The following HSPG2 variants were observed in gnomAD, a reference collection of about 807,000 sequenced individuals.
HSPG2 encodes the protein heparan sulfate proteoglycan 2.
In HSPG2, 278 loss-of-function variants were observed where a neutral mutation model predicts 526.6. The observed-to-expected ratio is 0.53, with a 90% CI of 0.48 to 0.58. The LOEUF (loss-of-function observed/expected upper bound fraction) is 0.58. Among genes scored for constraint, HSPG2 ranks in the 20% least tolerant of loss-of-function variants. HSPG2 has a pLI of 0.00. For missense variants in HSPG2, 5,354 were observed against 6,099.5 expected (o/e 0.88, Z 4.07); for synonymous variants, 2,465 against 2,555.4 (o/e 0.96, Z 1.07).
intron 1 of HSPG2, among the ~76,000 whole-genome samples, chr1:21,910,364 C>T (rs1369853413): frequency 6.6e-6 from 1 of 152,234 alleles, no homozygotes; most frequent in Non-Finnish European, 1.5e-5. Context: ...TAAGATTCAG[C>T]ACAAAATGCC....
intron 9 of HSPG2, among the ~76,000 whole-genome samples, chr1:21,886,096 A>G (rs965310719): frequency 3.2e-4 from 48 of 152,364 alleles, no homozygotes; most frequent in Admixed American, 2.9e-3. Flanking sequence ...CAGGTGCGAG[A>G]GGAGACCAGG....
At chr1:21,832,958 G>C in intron 80 of HSPG2, 2 of 557,954 alleles carry the variant, frequency 3.6e-6, no homozygotes, top group African/African-American at 1.9e-5. Context: ...GTGAGATGGA[G>C]GCAGAGGAGG....
At chr1:21,915,476 T>C (rs2152792481) in intron 1 of HSPG2, among the ~76,000 whole-genome samples, 1 of 151,836 alleles carries the variant, frequency 6.6e-6, no homozygotes, top group Non-Finnish European at 1.5e-5. Context: ...ACATTATGGG[T>C]GTGGTCAGGC....
Position 21,857,053 on chromosome 1 carries a change from A to G in HSPG2, c.5537T>C (p.Phe1846Ser). Residue 1846 changes from phenylalanine (F) to serine (S), a missense_variant, in exon 44 of 97, where the codon TTT becomes TCT. Physicochemically the swap from Phe to Ser is radical, Grantham distance 155. Transcript: ENST00000374695. ...GTYVCTGSNM[F>S]AMDQGTATLH... ...AGTGGCTGTGCCCTGGTCCATGGCA[A>G]ACATGTTGGAGCCGGTGCACACGTA... The G allele has an allele frequency of 6.2e-7, 1 of 1,614,194 alleles. No homozygotes were observed. The highest frequency in any genetic ancestry group is 1.1e-5 in the South Asian group (1 of 91,090).
In HSPG2 at chr1:21,885,083, C is replaced by T. The variant is rs1045847955; in HGVS notation, c.1285G>A (p.Val429Met). The change falls in exon 11 of 97, where the codon GTG (valine) becomes ATG (methionine). Residue 429 changes from valine (V) to methionine (M), a missense_variant. Physicochemically the swap from Val to Met is conservative, Grantham distance 21 (BLOSUM62 1). Transcript: ENST00000374695. ...SRGQTVTFTC[V>M]AIGVPTPIIN... ...ATGGGGGTGGGGACGCCAATGGCCA[C>T]GCAGGTGAAGGTCACTGTCTGGCCC... The T allele has an allele frequency of 1.2e-5, 19 of 1,613,684 alleles. No homozygotes were observed. Among genetic ancestry groups the T allele is most frequent in the Admixed American group, 1.7e-5 (1 of 60,018 alleles).
At chr1:21,888,831 G>A in intron 6 of HSPG2, 1 of 670,416 alleles carries the variant, frequency 1.5e-6, no homozygotes. Context: ...TGAAAAGTGA[G>A]AGAGGAGGGC....
chr1:21,882,039 T>C (rs938457118), intron 13 of HSPG2, among the ~76,000 whole-genome samples: 1 of 151,898 alleles, frequency 6.6e-6, no homozygotes, highest in Non-Finnish European at 1.5e-5. Context: ...AAGCATGCTC[T>C]GGGAAAGTCA....
Position 21,890,135 on chromosome 1 carries a change from C to G in HSPG2, c.420G>C (p.Leu140=), listed in dbSNP as rs1642243771. The change falls in exon 6 of 97, where the codon CTG becomes CTC. Residue 140 remains leucine, a synonymous_variant. Transcript: ENST00000374695. The surrounding 1 kb of genome is among the most constrained non-coding windows in gnomAD (Gnocchi z 4.1). Reference sequence around the variant, plus strand: ...CCAGCTCCACAAAAACCCAGCCATCCAGCTCCCTGGGGATGGAGACAGGCA... The same window carrying G: ...CCAGCTCCACAAAAACCCAGCCATCGAGCTCCCTGGGGATGGAGACAGGCA... The part of the protein sequence containing the change: ...QVVSVVFIKE[L]DGWVFVELDV... 1 of 1,614,040 alleles carries G rather than the reference C, an allele frequency of 6.2e-7. No homozygotes were observed.
In HSPG2 at chr1:21,852,719, G is replaced by T; in HGVS notation, c.6705C>A (p.Ile2235=). ...GPLEASVLVT[I]EASVIPGPIP... ...ACTCACCAGGGATGACAGAGGCTTC[G>T]ATGGTGACCAGGACTGAGGCCTCTA... The change falls in exon 52 of 97, where the codon ATC becomes ATA. Residue 2235 remains isoleucine, a synonymous_variant. Coordinates refer to ENST00000374695, the MANE Select transcript of HSPG2 (RefSeq NM_005529.7). 1 of 1,613,498 alleles carries T rather than the reference G, an allele frequency of 6.2e-7. No homozygotes were observed. Among genetic ancestry groups the T allele is most frequent in the Non-Finnish European group, 8.5e-7 (1 of 1,180,016 alleles).
intron 37 of HSPG2, among the ~76,000 whole-genome samples, chr1:21,863,060 C>CAAAAAAAAAAAAAAAAAAAAA (rs60890297): frequency 1.6e-4 from 5 of 31,234 alleles, no homozygotes; most frequent in Admixed American, 4.4e-4. Flanking sequence ...GACTCCATCT[C>CAAAAAAAAAAAAAAAAAAAAA]AAAAAAAAAA....
In HSPG2 at chr1:21,890,529, C is replaced by T. The variant is rs1319911303; in HGVS notation, c.355-44G>A. On this transcript the variant is annotated intron_variant, in intron 4 of 96. Coordinates refer to ENST00000374695, the MANE Select transcript of HSPG2 (RefSeq NM_005529.7). This position sits in a 1 kb window ranked among gnomAD's most constrained non-coding sequence, Gnocchi z 4.1. Reference sequence around the variant, plus strand: ...CCATCAGCCCCAGAGGCCTTCACCCCATCCTCGGTCCTGCCCCGCCACACC... The same window carrying T: ...CCATCAGCCCCAGAGGCCTTCACCCTATCCTCGGTCCTGCCCCGCCACACC... 6.2e-7 allele frequency: 1 copy of T among 1,610,852 alleles called. No individual in the cohort carries two copies. Among genetic ancestry groups the T allele is most frequent in the South Asian group, 1.1e-5 (1 of 91,002 alleles).
intron 1 of HSPG2, among the ~76,000 whole-genome samples, chr1:21,934,540 G>A (rs1489346701): frequency 6.6e-6 from 1 of 152,060 alleles, no homozygotes; most frequent in Admixed American, 6.5e-5. Context: ...AGACCGAGGC[G>A]AGAGGATCGC....
rs999309758 is a variant in HSPG2 at position 21,860,230 on chromosome 1, C to T, written c.4961G>A (p.Gly1654Asp). 1.2e-5 allele frequency: 19 copies of T among 1,613,304 alleles called. No homozygotes were observed. Among genetic ancestry groups the T allele is most frequent in the African/African-American group, 2.7e-5 (2 of 74,942 alleles). Residue 1654 changes from glycine (G) to aspartate (D), a missense_variant, in exon 40 of 97, where the codon GGC becomes GAC. Gly to Asp is a moderately conservative substitution (Grantham distance 94). Coordinates refer to ENST00000374695, the MANE Select transcript of HSPG2 (RefSeq NM_005529.7). ...ACTGGGGTTACCCACGTAACCTGGG[C>T]CACACCTGTAAGGGGGAACAAGGGC... ...GYTGQYCEQCGPGYVGNPSVQ... is the reference protein window; with the variant it reads ...GYTGQYCEQCDPGYVGNPSVQ...
Position 21,823,923 on chromosome 1 carries a change from C to T in HSPG2, c.12899+198G>A, listed in dbSNP as rs1007017269. 8.7e-5 allele frequency: 64 copies of T among 734,142 alleles called. No individual in the cohort carries two copies. The South Asian group carries it at 1.0e-3, about 12-fold the overall frequency. The allele number at this position is 734,142 out of a possible 1,614,324, so 45.5% of individuals were successfully genotyped here. A position where few individuals can be genotyped will look rare whatever the true frequency, so the allele number is the denominator to read the frequency against. On this transcript the variant is annotated intron_variant, in intron 95 of 96. Transcript: ENST00000374695. ...TTCTGCACCCAGGTTTCCTCCCACT[C>T]CTGGGGCACTCGCCTGCCCCCAGCG... is the stretch of plus-strand genomic sequence containing the variant.
intron 75 of HSPG2, 122 bp downstream of exon 75, chr1:21,836,679 TA>T: frequency 1.2e-6 from 1 of 829,062 alleles, no homozygotes; most frequent in Non-Finnish European, 2.0e-6. Flanking sequence ...CTCAGAGAGG[TA>T]AAGTGATGTG....
chr1:21,928,509 C>G (rs534226343), intron 1 of HSPG2, among the ~76,000 whole-genome samples: 31 of 152,364 alleles, frequency 2.0e-4, no homozygotes, highest in African/African-American at 7.5e-4. Context: ...GGCATGATCT[C>G]AGCTCACTGC....
intron 1 of HSPG2, among the ~76,000 whole-genome samples, chr1:21,902,152 C>A (rs1168768086): frequency 2.6e-5 from 4 of 152,224 alleles, no homozygotes; most frequent in African/African-American, 9.6e-5. Context: ...CTGCCAGGGG[C>A]TCAGAGCCCG....
Position 21,852,806 on chromosome 1 carries a change from G to A in HSPG2, c.6618C>T (p.His2206=), listed in dbSNP as rs773550301. 1 of 1,612,768 alleles carries A rather than the reference G, an allele frequency of 6.2e-7. No individual in the cohort carries two copies. The highest frequency in any genetic ancestry group is 8.5e-7 in the Non-Finnish European group (1 of 1,179,850). ...CGCCTGAGTCGGCCGGGGTCACCTG[G>A]TGCAGCCGCAGCAGCGAGCCGTGGG... The part of the protein sequence containing the change: ...HQTHGSLLRL[H]QVTPADSGEY... Residue 2206 remains histidine, a synonymous_variant, in exon 52 of 97, where the codon CAC becomes CAT. Transcript: ENST00000374695.
At chr1:21,908,133 A>G (rs530274180) in intron 1 of HSPG2, 7 of 823,002 alleles carry the variant, frequency 8.5e-6, no homozygotes, top group South Asian at 2.6e-5. Context: ...GAGGCACCCA[A>G]TAGATGTTCT....
Sources: allele counts gnomAD v4.1 joint callset (sites outside exome capture counted in the v4.1 genomes callset), GRCh38; gene constraint gnomAD v4.1.1; non-coding constraint Gnocchi (gnomAD v3.1); transcripts MANE v1.5; gene names NCBI Gene and HGNC (gene_info 2026-07-23, HGNC 2026-07-21).